The following VWC2 variants were observed in gnomAD, a reference collection of about 807,000 sequenced individuals.
VWC2 encodes the protein von Willebrand factor C domain containing 2, also known as brorin.
In VWC2, 14 loss-of-function variants were observed where a neutral mutation model predicts 29.8. The ratio of observed to expected loss-of-function variants is 0.47; its 90% confidence interval spans 0.31 to 0.74. The LOEUF (loss-of-function observed/expected upper bound fraction) is 0.74, where lower values mean the gene tolerates loss of function less well. VWC2 is among the 30% of genes least tolerant of loss of function. VWC2 has a pLI of 0.05. For synonymous variants in VWC2, 213 were observed against 199.0 expected (o/e 1.07, Z -0.59); for missense variants, 457 against 459.8 (o/e 0.99, Z 0.05).
chr7:49,838,246 G>T (rs928475683), intron 3 of VWC2, among the ~76,000 whole-genome samples: 1 of 152,194 alleles, frequency 6.6e-6, no homozygotes, highest in African/African-American at 2.4e-5. Context: ...AACCGTAAAA[G>T]GCAAAATGCT....
At chr7:49,891,213 AACAG>A (rs1435412562) in intron 3 of VWC2, among the ~76,000 whole-genome samples, 7 of 152,246 alleles carry the variant, frequency 4.6e-5, no homozygotes, top group Admixed American at 1.3e-4. Flanking sequence ...CAGTTAGCAG[AACAG>A]ACAAAGTAGA....
chr7:49,823,843 C>T (rs1295426041), intron 3 of VWC2, among the ~76,000 whole-genome samples: 2 of 152,174 alleles, frequency 1.3e-5, no homozygotes, highest in Non-Finnish European at 2.9e-5. Flanking sequence ...ATTTCCATAA[C>T]CACCAGTGAT....
At chr7:49,821,289 T>C (rs1482357328) in intron 3 of VWC2, among the ~76,000 whole-genome samples, 1 of 152,204 alleles carries the variant, frequency 6.6e-6, no homozygotes, top group Non-Finnish European at 1.5e-5. Flanking sequence ...ATGGAAAACA[T>C]AAATTTGCTG....
intron 3 of VWC2, among the ~76,000 whole-genome samples, chr7:49,890,182 T>C (rs1792070105): frequency 6.6e-6 from 1 of 152,212 alleles, no homozygotes; most frequent in African/African-American, 2.4e-5. Context: ...AATGAACAAC[T>C]GCATAAGTAG....
intron 3 of VWC2, among the ~76,000 whole-genome samples, chr7:49,904,568 A>C (rs1240055287): frequency 6.6e-6 from 1 of 152,194 alleles, no homozygotes; most frequent in African/African-American, 2.4e-5. Context: ...AAATTTCAGT[A>C]ATTAAAATCT....
At chr7:49,821,356 A>G (rs771245359) in intron 3 of VWC2, among the ~76,000 whole-genome samples, 6 of 152,232 alleles carry the variant, frequency 3.9e-5, no homozygotes, top group Non-Finnish European at 8.8e-5. Flanking sequence ...GAGGATCTCA[A>G]GACAATGATG....
rs368860330 is a variant in VWC2, at chr7:49,911,795, G to A, written c.827-239G>A. Among the ~76,000 whole-genome samples the A allele has an allele frequency of 2.6e-5, 4 of 151,804 alleles. No individual in the cohort carries two copies. In the East Asian group the frequency reaches 7.8e-4, roughly 30 times the overall value. On this transcript the variant is annotated intron_variant, in intron 3 of 3. Transcript: ENST00000340652. ...CCCTGTAATCCTAGCTACTTGAAAGGCTGAGGCAGGAGAATTGCCTGAATC... is the reference window on the plus strand; with the variant it reads ...CCCTGTAATCCTAGCTACTTGAAAGACTGAGGCAGGAGAATTGCCTGAATC...
chr7:49,851,631 G>A (rs954279094), intron 3 of VWC2, among the ~76,000 whole-genome samples: 9 of 152,302 alleles, frequency 5.9e-5, no homozygotes, highest in Admixed American at 2.6e-4. Context: ...AGGCCGAGGC[G>A]GGTGGATCAT....
intron 3 of VWC2, among the ~76,000 whole-genome samples, chr7:49,836,348 A>G (rs1789657251): frequency 6.6e-6 from 1 of 151,804 alleles, no homozygotes; most frequent in African/African-American, 2.4e-5. Flanking sequence ...TTAAGTGTGG[A>G]CTGGGCATGG....
At chr7:49,792,370 A>G (rs1446420280) in intron 2 of VWC2, among the ~76,000 whole-genome samples, 1 of 152,180 alleles carries the variant, frequency 6.6e-6, no homozygotes, top group East Asian at 1.9e-4. Flanking sequence ...CAGGGGCAGA[A>G]TTGGGCTTGA....
chr7:49,899,782 T>G (rs1441386879), intron 3 of VWC2, among the ~76,000 whole-genome samples: 1 of 151,916 alleles, frequency 6.6e-6, no homozygotes, highest in Non-Finnish European at 1.5e-5. Context: ...GAAAAATCAG[T>G]AAGGACATAG....
At chr7:49,893,121 A>G (rs1792215073) in intron 3 of VWC2, among the ~76,000 whole-genome samples, 1 of 152,228 alleles carries the variant, frequency 6.6e-6, no homozygotes. Context: ...AATGTTGAGC[A>G]TGAGAATACT....
At chr7:49,796,255 C>G (rs1002868289) in intron 2 of VWC2, among the ~76,000 whole-genome samples, 1 of 152,218 alleles carries the variant, frequency 6.6e-6, no homozygotes, top group Non-Finnish European at 1.5e-5. Context: ...TAAATTAACT[C>G]CATCTATGAA....
intron 3 of VWC2, among the ~76,000 whole-genome samples, chr7:49,883,424 A>G (rs898186198): frequency 6.6e-6 from 1 of 152,200 alleles, no homozygotes; most frequent in African/African-American, 2.4e-5. Context: ...AAGGTGAATT[A>G]TGTTCTCAAA....
chr7:49,833,867 G>A (rs62454448), intron 3 of VWC2, among the ~76,000 whole-genome samples: 17,298 of 152,034 alleles, frequency 0.11, 1,236 homozygotes, highest in Non-Finnish European at 0.16. Context: ...GTCAGGCAGT[G>A]GGAATTTAGT....
intron 3 of VWC2, among the ~76,000 whole-genome samples, chr7:49,894,924 T>G (rs1792310335): frequency 6.6e-6 from 1 of 152,190 alleles, no homozygotes; most frequent in South Asian, 2.1e-4. Flanking sequence ...GCAGGAGACA[T>G]GTTGTGAAAG....
intron 3 of VWC2, among the ~76,000 whole-genome samples, chr7:49,910,605 TAA>T (rs11331851): frequency 1.3e-5 from 2 of 151,882 alleles, no homozygotes; most frequent in East Asian, 1.9e-4. Flanking sequence ...ATTAATCTTT[TAA>T]AAAAAAATGT....
intron 3 of VWC2, among the ~76,000 whole-genome samples, chr7:49,867,955 T>C (rs887898323): frequency 6.6e-6 from 1 of 152,146 alleles, no homozygotes; most frequent in African/African-American, 2.4e-5. Context: ...TGTCTCAGCC[T>C]ACCAAGTAGC....
chr7:49,819,465 G>A (rs769208965), intron 3 of VWC2, among the ~76,000 whole-genome samples: 4 of 152,176 alleles, frequency 2.6e-5, no homozygotes, highest in African/African-American at 7.2e-5. Flanking sequence ...GCCAAAACAC[G>A]GGCCATGCTG....
Sources: gnomAD v4.1 joint callset for allele counts (sites outside exome capture counted in the v4.1 genomes callset) on GRCh38, gnomAD v4.1.1 for gene constraint, MANE v1.5 for transcripts, NCBI Gene and HGNC (gene_info 2026-07-23, HGNC 2026-07-21) for gene names.